The following MAGI3 variants were observed in gnomAD, a reference collection of about 807,000 sequenced individuals.
MAGI3 encodes membrane associated guanylate kinase, WW and PDZ domain containing 3, also known as membrane-associated guanylate kinase, WW and PDZ domain-containing protein 3.
Under a neutral mutation model 121.8 loss-of-function variants are expected in MAGI3, and 43 were observed. That is an observed-to-expected ratio of 0.35 (90% CI 0.28 to 0.46). The LOEUF (loss-of-function observed/expected upper bound fraction) is 0.46. MAGI3 is among the 20% of genes least tolerant of loss of function. The pLI, the probability that MAGI3 is intolerant of heterozygous loss-of-function variation, is 1.00. For missense variants in MAGI3, 1,547 were observed against 1,797.3 expected, an observed-to-expected ratio of 0.86 and a Z score of 2.52; for synonymous variants, 553 against 639.3, an observed-to-expected ratio of 0.86 and a Z score of 2.04.
chr1:113,594,101 A>G (rs1648851678), intron 5 of MAGI3, among the ~76,000 whole-genome samples: 1 of 152,252 alleles, frequency 6.6e-6, no homozygotes, highest in Non-Finnish European at 1.5e-5. Context: ...GGAAGAAGAA[A>G]GGAGTTCAGC....
chr1:113,526,987 A>G (rs1658484197), intron 1 of MAGI3, among the ~76,000 whole-genome samples: 1 of 152,192 alleles, frequency 6.6e-6, no homozygotes, highest in South Asian at 2.1e-4. Context: ...CATCTGTAAA[A>G]TGGGAAGAAA....
rs143999498 is a variant in MAGI3 at position 113,610,490 on chromosome 1, G to A, written c.1019-4111G>A. Among the ~76,000 whole-genome samples the A allele has an allele frequency of 9.4e-3, 1,422 of 151,996 alleles. 14 individuals carry two copies. Among genetic ancestry groups the A allele is most frequent in the Middle Eastern group, 0.017 (5 of 294 alleles). Reference sequence around the variant, plus strand: ...TTCTTATATTTCTCTTTGGAGTACCGGGTTCATACGGCCAAGAGCTTGTTA... The same window carrying A: ...TTCTTATATTTCTCTTTGGAGTACCAGGTTCATACGGCCAAGAGCTTGTTA... On this transcript the variant is annotated intron_variant, in intron 6 of 20. Coordinates refer to ENST00000307546, the MANE Select transcript of MAGI3 (RefSeq NM_001142782.2).
At position 113,433,887 on chromosome 1, in the gene MAGI3, G is replaced by A. The variant is rs1417408952; in HGVS notation, c.316+42538G>A. Among the ~76,000 whole-genome samples, 3 of 152,140 alleles carry A rather than the reference G, an allele frequency of 2.0e-5. No individual in the cohort carries two copies. The East Asian group carries it at 5.8e-4, about 29-fold the overall frequency. On this transcript the variant is annotated intron_variant, in intron 1 of 20. Transcript: ENST00000307546. ...TATTTAGAAATTTAATCACACAGAT[G>A]TTGAGTCACAATTTGTGATTTAATT...
intron 1 of MAGI3, among the ~76,000 whole-genome samples, chr1:113,452,992 A>T (rs1266974434): frequency 1.3e-5 from 2 of 152,208 alleles, no homozygotes; most frequent in Admixed American, 6.5e-5. Flanking sequence ...TCCACTGTGC[A>T]CGCAAAAGTC....
chr1:113,409,744 T>G (rs965251129), intron 1 of MAGI3, among the ~76,000 whole-genome samples: 1 of 152,150 alleles, frequency 6.6e-6, no homozygotes, highest in Non-Finnish European at 1.5e-5. Flanking sequence ...TCCTTTCTTA[T>G]TGGCACACAC....
At position 113,589,678 on chromosome 1, in the gene MAGI3, T is replaced by C. The variant is rs184625929; in HGVS notation, c.764-806T>C. On this transcript the variant is annotated intron_variant, in intron 4 of 20. Coordinates refer to ENST00000307546, the MANE Select transcript of MAGI3 (RefSeq NM_001142782.2). Reference sequence around the variant, plus strand: ...GATATCTAAGGATATATAAGATCTCTGTCAGATTCTCTGAATCTGAGCCAT... The same window carrying C: ...GATATCTAAGGATATATAAGATCTCCGTCAGATTCTCTGAATCTGAGCCAT... 1.1e-4 allele frequency among the ~76,000 whole-genome samples: 17 copies of C among 152,206 alleles called. No homozygotes were observed. In the East Asian group the frequency reaches 2.3e-3, roughly 21 times the overall value.
chr1:113,602,251 A>G (rs1300834932), intron 6 of MAGI3, among the ~76,000 whole-genome samples: 5 of 152,078 alleles, frequency 3.3e-5, no homozygotes, highest in African/African-American at 1.2e-4. Flanking sequence ...AAAACTCAAA[A>G]TCATATGAGG....
chr1:113,403,205 A>G (rs1273446718), intron 1 of MAGI3, among the ~76,000 whole-genome samples: 3 of 152,072 alleles, frequency 2.0e-5, no homozygotes, highest in Non-Finnish European at 2.9e-5. Context: ...TGCTTGAGTC[A>G]GGAAAGTGGC....
chr1:113,610,644 G>A (rs1048999791), intron 6 of MAGI3, among the ~76,000 whole-genome samples: 5 of 151,972 alleles, frequency 3.3e-5, no homozygotes, highest in African/African-American at 1.2e-4. Flanking sequence ...TTCCCTCACT[G>A]TCTCCTCTCT....
chr1:113,478,920 A>T (rs775157989), intron 1 of MAGI3, among the ~76,000 whole-genome samples: 1 of 152,196 alleles, frequency 6.6e-6, no homozygotes, highest in Non-Finnish European at 1.5e-5. Context: ...AAGCTTCCCC[A>T]AGCCGCTTTG....
intron 16 of MAGI3, among the ~76,000 whole-genome samples, chr1:113,660,462 G>A (rs1653721263): frequency 6.6e-6 from 1 of 151,910 alleles, no homozygotes; most frequent in South Asian, 2.1e-4. Context: ...TGGCCTCTAT[G>A]TACATGGCCT....
chr1:113,550,779 G>T (rs1659751024), intron 2 of MAGI3, among the ~76,000 whole-genome samples: 1 of 148,788 alleles, frequency 6.7e-6, no homozygotes. Context: ...AGAAAAAAAC[G>T]AAAAAAAATA....
intron 1 of MAGI3, among the ~76,000 whole-genome samples, chr1:113,477,660 C>T (rs911575333): frequency 3.9e-5 from 6 of 152,042 alleles, no homozygotes; most frequent in Admixed American, 2.0e-4. Context: ...GCCCTTAACA[C>T]TTTTTCCTTC....
At chr1:113,440,856 TAA>T (rs1173559928) in intron 1 of MAGI3, among the ~76,000 whole-genome samples, 1 of 152,202 alleles carries the variant, frequency 6.6e-6, no homozygotes, top group Non-Finnish European at 1.5e-5. Flanking sequence ...ACATAAAGAC[TAA>T]GAGTAGCTCA....
chr1:113,655,547 A>T (rs774597033), intron 15 of MAGI3, among the ~76,000 whole-genome samples: 116 of 151,918 alleles, frequency 7.6e-4, no homozygotes, highest in Non-Finnish European at 1.5e-3. Context: ...GTAAATTTTT[A>T]AAAATTTAAA....
intron 1 of MAGI3, among the ~76,000 whole-genome samples, chr1:113,406,203 A>AC (rs1651671357): frequency 6.6e-6 from 1 of 151,004 alleles, no homozygotes; most frequent in Non-Finnish European, 1.5e-5. Flanking sequence ...ACTTTGGGAG[A>AC]CTGAGGTGGG....
At chr1:113,458,578 A>G (rs1293071954) in intron 1 of MAGI3, among the ~76,000 whole-genome samples, 2 of 152,222 alleles carry the variant, frequency 1.3e-5, no homozygotes, top group East Asian at 3.9e-4. Context: ...TGGCATGATC[A>G]TAGCTCCCTG....
intron 1 of MAGI3, among the ~76,000 whole-genome samples, chr1:113,440,005 T>G (rs12039669): frequency 0.15 from 23,180 of 152,078 alleles, 2,804 homozygotes; most frequent in East Asian, 0.63. Context: ...GACTTGGACA[T>G]CATACAGACC....
At chr1:113,573,147 G>T (rs1235189856) in intron 2 of MAGI3, among the ~76,000 whole-genome samples, 1 of 151,638 alleles carries the variant, frequency 6.6e-6, no homozygotes, top group Non-Finnish European at 1.5e-5. Context: ...GGATGGTCTC[G>T]ATCTCCTGAC....
Sources: allele counts gnomAD v4.1 joint callset (sites outside exome capture counted in the v4.1 genomes callset), GRCh38; gene constraint gnomAD v4.1.1; transcripts MANE v1.5; gene names NCBI Gene and HGNC (gene_info 2026-07-23, HGNC 2026-07-21).